Variants in PPM1D observed in about 807,000 individuals in gnomAD.
The protein encoded by PPM1D is protein phosphatase 1D.
A neutral mutation model predicts 58.3 loss-of-function variants in PPM1D; 52 were observed. The observed-to-expected ratio is 0.89, with a 90% confidence interval of 0.71 to 1.12. The LOEUF is 1.12. Ranked by LOEUF, PPM1D falls within the 50% of genes most tolerant of loss-of-function variation. The pLI, the probability that PPM1D is intolerant of heterozygous loss-of-function variation, is 0.00. For missense variants in PPM1D, 564 were observed against 777.2 expected (o/e 0.73, Z 3.26); for synonymous variants, 278 against 285.1 (o/e 0.98, Z 0.25).
chr17:60,615,904 A>G (rs1462749797), intron 1 of PPM1D, among the ~76,000 whole-genome samples: 1 of 152,006 alleles, frequency 6.6e-6, no homozygotes, highest in Non-Finnish European at 1.5e-5. Context: ...ACAGTGCACT[A>G]TAGCTTCTAA....
rs1421981332 is a variant in PPM1D at position 60,657,624 on chromosome 17, G to A, written c.1260+783G>A. 3.3e-5 allele frequency among the ~76,000 whole-genome samples: 5 copies of A among 152,176 alleles called. No individual in the cohort carries two copies. In the South Asian group the frequency reaches 8.3e-4, roughly 25 times the overall value. On this transcript the variant is annotated intron_variant, in intron 5 of 5. Transcript: ENST00000305921. ...TCAAAGGCCTTTAATTTTGGGCGTC[G>A]TAATCCTATAGTCAATACTTGGAAA...
chr17:60,610,904 A>G (rs1450433301), intron 1 of PPM1D, among the ~76,000 whole-genome samples: 2 of 152,226 alleles, frequency 1.3e-5, no homozygotes, highest in Admixed American at 6.5e-5. Flanking sequence ...GTAGGAGAGT[A>G]TCATTCTTTC....
intron 5 of PPM1D, among the ~76,000 whole-genome samples, chr17:60,661,301 A>G (rs1389900738): frequency 2.6e-5 from 4 of 151,252 alleles, no homozygotes; most frequent in African/African-American, 9.7e-5. Flanking sequence ...ATACGTCTTC[A>G]TTTGCTGCTC....
intron 3 of PPM1D, among the ~76,000 whole-genome samples, chr17:60,643,189 GGC>G (rs1010210002): frequency 2.0e-5 from 3 of 152,112 alleles, no homozygotes; most frequent in African/African-American, 7.2e-5. Flanking sequence ...AGATCAGCCT[GGC>G]CAATATGGCG....
chr17:60,630,048 T>A (rs9903074), intron 2 of PPM1D, among the ~76,000 whole-genome samples: 11,574 of 141,962 alleles, frequency 0.082, 1,314 homozygotes, highest in African/African-American at 0.32. Flanking sequence ...TCAAAAAAAA[T>A]AAAATAAAAT....
At position 60,663,153 on chromosome 17, in the gene PPM1D, A is replaced by G; in HGVS notation, c.1419A>G (p.Pro473=). 6.2e-7 allele frequency: 1 copy of G among 1,614,190 alleles called. No individual in the cohort carries two copies. Among genetic ancestry groups the G allele is most frequent in the Non-Finnish European group, 8.5e-7 (1 of 1,180,022 alleles). ...TCATACCCTCAAAAGATCCAGAACC[A>G]CTTGAAGAAAATTGCGCTAAAGCCC... The part of the protein sequence containing the change: ...GVVIPSKDPE[P]LEENCAKALT... Residue 473 remains proline, a synonymous_variant, in exon 6 of 6, where the codon CCA becomes CCG. Transcript: ENST00000305921.
In PPM1D at chr17:60,640,838, A is replaced by G. The variant is rs769110205; in HGVS notation, c.826+6861A>G. 1.8e-4 allele frequency among the ~76,000 whole-genome samples: 25 copies of G among 140,160 alleles called. 1 individual carries two copies. The highest frequency in any genetic ancestry group is 6.8e-4 in the Admixed American group (10 of 14,784). 92.0% of individuals were successfully genotyped at this position (140,160 alleles called of 152,430 possible). ...GAAATTGGAAATTTCTTTTATTTAG[A>G]AATTTAGAAATTTCTTTTCCTAAGT... On this transcript the variant is annotated intron_variant, in intron 3 of 5. Coordinates refer to ENST00000305921, the MANE Select transcript of PPM1D (RefSeq NM_003620.4).
chr17:60,625,996 C>G (rs973411075), intron 2 of PPM1D, among the ~76,000 whole-genome samples: 6 of 152,114 alleles, frequency 3.9e-5, no homozygotes. Context: ...GCTGTGTGTC[C>G]TTTCAAAAGA....
intron 3 of PPM1D, among the ~76,000 whole-genome samples, chr17:60,645,496 G>GTGTATATATA (rs1209775581): frequency 1.3e-4 from 16 of 119,310 alleles, no homozygotes; most frequent in African/African-American, 3.3e-4. Flanking sequence ...GTGTGTGTAT[G>GTGTATATATA]TGTATATATA....
chr17:60,638,120 A>T (rs1360431320), intron 3 of PPM1D, among the ~76,000 whole-genome samples: 1 of 152,206 alleles, frequency 6.6e-6, no homozygotes, highest in Non-Finnish European at 1.5e-5. Context: ...GAGTTTTTAG[A>T]CAGTGTTTTT....
intron 1 of PPM1D, among the ~76,000 whole-genome samples, chr17:60,603,835 A>G (rs1183389920): frequency 6.6e-6 from 1 of 152,240 alleles, no homozygotes; most frequent in South Asian, 2.1e-4. Flanking sequence ...TGGTTGAAGT[A>G]TCTAAAGAAA....
At chr17:60,622,706 T>A (rs1454928591) in intron 1 of PPM1D, among the ~76,000 whole-genome samples, 1 of 152,214 alleles carries the variant, frequency 6.6e-6, no homozygotes, top group African/African-American at 2.4e-5. Context: ...TTATTTGAGA[T>A]AATACATGTA....
At chr17:60,638,440 C>A (rs551936913) in intron 3 of PPM1D, among the ~76,000 whole-genome samples, 1 of 152,002 alleles carries the variant, frequency 6.6e-6, no homozygotes, top group South Asian at 2.1e-4. Context: ...ACGATCTCAG[C>A]TCACTGCAAC....
chr17:60,633,387 A>T (rs2030965852), intron 2 of PPM1D, among the ~76,000 whole-genome samples: 1 of 152,156 alleles, frequency 6.6e-6, no homozygotes, highest in South Asian at 2.1e-4. Context: ...TTAATTGCTT[A>T]TATCACAATT....
chr17:60,633,051 C>T (rs905744201), intron 2 of PPM1D, among the ~76,000 whole-genome samples: 1 of 151,826 alleles, frequency 6.6e-6, no homozygotes, highest in Non-Finnish European at 1.5e-5. Context: ...TTTGGGAGGC[C>T]GAGGTGGGCA....
intron 2 of PPM1D, among the ~76,000 whole-genome samples, chr17:60,628,026 C>T (rs925565048): frequency 3.3e-5 from 5 of 151,898 alleles, no homozygotes; most frequent in Non-Finnish European, 7.4e-5. Flanking sequence ...TGTACCACCA[C>T]ACCCAGCTAA....
chr17:60,631,381 G>A (rs1185972751), intron 2 of PPM1D, among the ~76,000 whole-genome samples: 2 of 152,182 alleles, frequency 1.3e-5, no homozygotes, highest in Non-Finnish European at 2.9e-5. Context: ...ACTCATGCCT[G>A]TAAGACTAGC....
intron 1 of PPM1D, among the ~76,000 whole-genome samples, chr17:60,609,002 C>G (rs189928158): frequency 6.6e-5 from 10 of 152,146 alleles, no homozygotes; most frequent in African/African-American, 2.4e-4. Context: ...CCTCCTCGGC[C>G]TCCCAAAGTG....
At chr17:60,622,213 A>G (rs1317087482) in intron 1 of PPM1D, among the ~76,000 whole-genome samples, 1 of 151,250 alleles carries the variant, frequency 6.6e-6, no homozygotes, top group Non-Finnish European at 1.5e-5. Flanking sequence ...AGGAACACTC[A>G]TTTACTGTCT....
Sources: allele counts gnomAD v4.1 joint callset (sites outside exome capture counted in the v4.1 genomes callset), GRCh38; gene constraint gnomAD v4.1.1; transcripts MANE v1.5; gene names NCBI Gene and HGNC (gene_info 2026-07-23, HGNC 2026-07-21).